The following DLG2 variants were observed in gnomAD, a reference collection of about 807,000 sequenced individuals.
DLG2 encodes disks large homolog 2.
In DLG2, 45 loss-of-function variants were observed where a neutral mutation model predicts 132.5. That is an observed-to-expected ratio of 0.34 (90% confidence interval 0.27 to 0.44). DLG2 has a LOEUF of 0.44. Among genes scored for constraint, DLG2 ranks in the 20% least tolerant of loss-of-function variants. The pLI, the probability that DLG2 is intolerant of heterozygous loss-of-function variation, is 1.00. For synonymous variants in DLG2, 424 were observed against 419.6 expected (o/e 1.01, Z -0.13); for missense variants, 1,045 against 1,196.9 (o/e 0.87, Z 1.87).
intron 8 of DLG2, among the ~76,000 whole-genome samples, chr11:84,243,316 C>T (rs7130225): frequency 6.6e-6 from 1 of 151,938 alleles, no homozygotes; most frequent in African/African-American, 2.4e-5. Flanking sequence ...CCATATGTGA[C>T]TTATAACTAC....
intron 3 of DLG2, among the ~76,000 whole-genome samples, chr11:85,294,270 C>T (rs1411027388): frequency 1.3e-5 from 2 of 151,504 alleles, no homozygotes; most frequent in African/African-American, 4.9e-5. Context: ...CATTGAAATA[C>T]ACCACTTTGA....
intron 6 of DLG2, among the ~76,000 whole-genome samples, chr11:84,555,368 T>C (rs1022025180): frequency 2.6e-5 from 4 of 152,182 alleles, no homozygotes; most frequent in African/African-American, 7.2e-5. Context: ...GTACTATTCA[T>C]GATAGCTAAG....
chr11:83,625,623 T>C (rs1566116236), intron 19 of DLG2, among the ~76,000 whole-genome samples: 1 of 152,230 alleles, frequency 6.6e-6, no homozygotes, highest in Non-Finnish European at 1.5e-5. Context: ...TTCCCAGGAA[T>C]AGAACGACTA....
At chr11:84,544,289 C>A (rs530673206) in intron 6 of DLG2, among the ~76,000 whole-genome samples, 2 of 152,266 alleles carry the variant, frequency 1.3e-5, no homozygotes, top group South Asian at 2.1e-4. Context: ...GAACCACAGA[C>A]CTATGAACTG....
chr11:84,667,468 GT>G (rs200656375), intron 6 of DLG2, among the ~76,000 whole-genome samples: 11 of 122,334 alleles, frequency 9.0e-5, no homozygotes, highest in Non-Finnish European at 1.4e-4. Context: ...ATTGATTCAA[GT>G]TTTTTTTTGT....
At chr11:84,967,581 G>A (rs1288150685) in intron 6 of DLG2, among the ~76,000 whole-genome samples, 1 of 152,006 alleles carries the variant, frequency 6.6e-6, no homozygotes, top group African/African-American at 2.4e-5. Flanking sequence ...AGAAAAAGTT[G>A]GACCTTTATT....
chr11:84,879,668 C>T (rs572508744), intron 6 of DLG2, among the ~76,000 whole-genome samples: 47 of 152,012 alleles, frequency 3.1e-4, no homozygotes, highest in Non-Finnish European at 4.7e-4. Flanking sequence ...AGGGCTAGGA[C>T]GTTCAATTGT....
chr11:84,248,476 C>A (rs953823669), intron 8 of DLG2, among the ~76,000 whole-genome samples: 1 of 151,952 alleles, frequency 6.6e-6, no homozygotes, highest in Non-Finnish European at 1.5e-5. Context: ...GATAATTGGG[C>A]CATTTTCATC....
intron 3 of DLG2, among the ~76,000 whole-genome samples, chr11:85,526,762 T>A (rs2074786032): frequency 6.6e-6 from 1 of 152,164 alleles, no homozygotes; most frequent in African/African-American, 2.4e-5. Context: ...GAAGATCACC[T>A]TCCTTCTCTA....
intron 6 of DLG2, among the ~76,000 whole-genome samples, chr11:84,584,636 G>A (rs1468706441): frequency 6.7e-6 from 1 of 148,298 alleles, no homozygotes; most frequent in African/African-American, 2.5e-5. Context: ...AAAGTGCTGG[G>A]ATTATAAGCC....
chr11:85,563,660 T>C (rs2077376160), intron 3 of DLG2, among the ~76,000 whole-genome samples: 1 of 147,506 alleles, frequency 6.8e-6, no homozygotes, highest in African/African-American at 2.4e-5. Flanking sequence ...ATTTCATTCC[T>C]TTTTATTGCT....
intron 6 of DLG2, among the ~76,000 whole-genome samples, chr11:84,588,082 C>A (rs1399533092): frequency 6.6e-6 from 1 of 152,158 alleles, no homozygotes; most frequent in Admixed American, 6.5e-5. Context: ...CATTCCTCTT[C>A]ATTCCTGCCA....
chr11:84,206,345 A>T (rs2156848), intron 8 of DLG2, among the ~76,000 whole-genome samples: 20,601 of 152,076 alleles, frequency 0.14, 1,664 homozygotes, highest in East Asian at 0.23. Context: ...ATTCTTATAC[A>T]AACTCTTCCA....
At chr11:85,464,003 CAT>C (rs1491019303) in intron 3 of DLG2, among the ~76,000 whole-genome samples, 24 of 139,176 alleles carry the variant, frequency 1.7e-4, no homozygotes, top group African/African-American at 6.1e-4. Context: ...CACACACACA[CAT>C]ACACACACAC....
chr11:83,933,055 A>G (rs1030654069), intron 14 of DLG2, among the ~76,000 whole-genome samples: 1 of 152,176 alleles, frequency 6.6e-6, no homozygotes, highest in African/African-American at 2.4e-5. Flanking sequence ...GGGAGCCAGC[A>G]TTCTTAGTCT....
At chr11:84,121,464 T>C (rs766211320) in intron 9 of DLG2, among the ~76,000 whole-genome samples, 9 of 151,930 alleles carry the variant, frequency 5.9e-5, no homozygotes, top group Non-Finnish European at 1.0e-4. Context: ...CTCCTCCTTT[T>C]TAAAAGTCAC....
chr11:84,792,591 A>C (rs2074017193), intron 6 of DLG2, among the ~76,000 whole-genome samples: 1 of 151,886 alleles, frequency 6.6e-6, no homozygotes, highest in South Asian at 2.1e-4. Flanking sequence ...TATGAATTTT[A>C]TCTTGTTACT....
intron 7 of DLG2, among the ~76,000 whole-genome samples, chr11:84,512,588 A>G (rs945698167): frequency 1.3e-5 from 2 of 152,142 alleles, no homozygotes; most frequent in African/African-American, 4.8e-5. Context: ...ATCAAACTAT[A>G]AAACATAAAA....
At chr11:85,451,747 G>C (rs537365239) in intron 3 of DLG2, among the ~76,000 whole-genome samples, 2 of 152,060 alleles carry the variant, frequency 1.3e-5, no homozygotes, top group African/African-American at 4.8e-5. Context: ...ACAGGGTCTC[G>C]CTGTGTTGCC....
Sources: allele counts gnomAD v4.1 joint callset (sites outside exome capture counted in the v4.1 genomes callset), GRCh38; gene constraint gnomAD v4.1.1; transcripts MANE v1.5; gene names NCBI Gene and HGNC (gene_info 2026-07-23, HGNC 2026-07-21).